The following NAV3 variants were observed in gnomAD, a reference collection of about 807,000 sequenced individuals.
NAV3 encodes the protein neuron navigator 3, also known as pore membrane and/or filament interacting like protein 1.
Under a neutral mutation model 244.7 loss-of-function variants are expected in NAV3, and 87 were observed. The observed-to-expected ratio is 0.36, with a 90% confidence interval of 0.30 to 0.42. The LOEUF (loss-of-function observed/expected upper bound fraction) is 0.42. Among genes scored for constraint, NAV3 ranks in the 20% least tolerant of loss-of-function variants. The pLI is 1.00. For missense variants in NAV3, 2,663 were observed against 2,893.3 expected (o/e 0.92, Z 1.83); for synonymous variants, 1,126 against 1,042.2 (o/e 1.08, Z -1.55).
chr12:77,940,775 G>C (rs966336626), intron 2 of NAV3, among the ~76,000 whole-genome samples: 7 of 152,264 alleles, frequency 4.6e-5, no homozygotes, highest in Non-Finnish European at 1.0e-4. Flanking sequence ...GAGATGCCTT[G>C]AAACTGTATC....
intron 2 of NAV3, among the ~76,000 whole-genome samples, chr12:77,588,967 A>G: frequency 6.6e-6 from 1 of 152,276 alleles, no homozygotes; most frequent in Non-Finnish European, 1.5e-5. Flanking sequence ...CAGCAGAGCT[A>G]TACCTGGGAA....
At chr12:78,173,683 CAGTT>C (rs1298233796) in intron 24 of NAV3, among the ~76,000 whole-genome samples, 2 of 150,688 alleles carry the variant, frequency 1.3e-5, no homozygotes, top group African/African-American at 4.9e-5. Flanking sequence ...CATGCAAAAC[CAGTT>C]AATGTTCTCA....
chr12:77,848,198 G>A (rs1374746718), intron 1 of NAV3, among the ~76,000 whole-genome samples: 3 of 152,210 alleles, frequency 2.0e-5, no homozygotes, highest in African/African-American at 7.2e-5. Context: ...TTTAGGATGA[G>A]TAAGACATAA....
intron 2 of NAV3, among the ~76,000 whole-genome samples, chr12:77,591,902 A>G (rs1219377611): frequency 6.6e-6 from 1 of 152,240 alleles, no homozygotes; most frequent in Non-Finnish European, 1.5e-5. Context: ...GTAAAATTAA[A>G]TGTTACAAAT....
At chr12:78,179,440 A>T in intron 28 of NAV3, 89 bp from the exon 29 acceptor site, 1 of 1,488,102 alleles carries the variant, frequency 6.7e-7, no homozygotes, top group Non-Finnish European at 9.2e-7. Flanking sequence ...CTGCTGGAGA[A>T]TATTGCAGTG....
At chr12:78,177,386 C>T in intron 27 of NAV3, 73 bp downstream of exon 27, 2 of 1,487,826 alleles carry the variant, frequency 1.3e-6, no homozygotes, top group South Asian at 1.3e-5. Flanking sequence ...TATTTATGTT[C>T]TAACCATATC....
rs569331555 is a variant in NAV3, at chr12:77,583,040, A to G, written c.72+10774A>G. ...AACATTCTTAAAAAGAGCTTCATTT[A>G]CAAACATTACACTTTCCTAACATTT... On this transcript the variant is annotated intron_variant, in intron 2 of 8. Transcript: ENST00000550042. 6.9e-4 allele frequency among the ~76,000 whole-genome samples: 105 copies of G among 152,244 alleles called. 1 individual carries two copies. The highest frequency in any genetic ancestry group is 6.8e-4 in the Non-Finnish European group (46 of 68,038).
chr12:77,996,564 T>C (rs1391846292), intron 6 of NAV3, among the ~76,000 whole-genome samples: 2 of 152,196 alleles, frequency 1.3e-5, no homozygotes, highest in Non-Finnish European at 2.9e-5. Flanking sequence ...GTATTTGTTT[T>C]TTTTCCTGAT....
At chr12:77,632,372 C>T (rs745440503) in intron 2 of NAV3, among the ~76,000 whole-genome samples, 1 of 152,158 alleles carries the variant, frequency 6.6e-6, no homozygotes, top group Non-Finnish European at 1.5e-5. Context: ...TTCCACGTGG[C>T]TGGGAAGGCC....
At chr12:78,026,144 A>T (rs138788776) in intron 9 of NAV3, among the ~76,000 whole-genome samples, 1 of 152,208 alleles carries the variant, frequency 6.6e-6, no homozygotes, top group African/African-American at 2.4e-5. Context: ...CTACCTATAA[A>T]TGTGATTTAA....
At chr12:77,917,775 A>G (rs1352694553) in intron 1 of NAV3, among the ~76,000 whole-genome samples, 2 of 152,064 alleles carry the variant, frequency 1.3e-5, no homozygotes, top group Admixed American at 1.3e-4. Context: ...TTATTTAAAC[A>G]TTAACTGTTT....
At chr12:77,711,677 C>G (rs1355704284) in intron 2 of NAV3, among the ~76,000 whole-genome samples, 1 of 152,154 alleles carries the variant, frequency 6.6e-6, no homozygotes, top group East Asian at 1.9e-4. Flanking sequence ...GTCTGTGGAA[C>G]AGGGGATCTC....
chr12:77,873,773 T>TATATATATATATAAAAAA (rs762527287), intron 1 of NAV3, among the ~76,000 whole-genome samples: 2 of 128,624 alleles, frequency 1.6e-5, no homozygotes, highest in African/African-American at 5.8e-5. Context: ...TATATGTATA[T>TATATATATATATAAAAAA]AACAGCATAT....
intron 5 of NAV3, among the ~76,000 whole-genome samples, chr12:77,977,417 T>A (rs1311993790): frequency 6.6e-6 from 1 of 152,178 alleles, no homozygotes. Context: ...TACCTTTATA[T>A]AATGGAATAA....
intron 2 of NAV3, among the ~76,000 whole-genome samples, chr12:77,622,226 C>T (rs536443910): frequency 2.5e-4 from 38 of 152,248 alleles, no homozygotes; most frequent in African/African-American, 8.7e-4. Context: ...GTGGCGCAAT[C>T]TCGGCTCACT....
At chr12:77,591,423 T>G (rs1555184346) in intron 2 of NAV3, among the ~76,000 whole-genome samples, 1 of 152,226 alleles carries the variant, frequency 6.6e-6, no homozygotes, top group Non-Finnish European at 1.5e-5. Flanking sequence ...GTTATTTAAT[T>G]GTTTTACACA....
At chr12:78,206,670 T>C (rs986760349) in intron 39 of NAV3, among the ~76,000 whole-genome samples, 4 of 152,062 alleles carry the variant, frequency 2.6e-5, no homozygotes, top group Non-Finnish European at 4.4e-5. Flanking sequence ...CCTTCTGGCA[T>C]GAGAATTGGG....
intron 2 of NAV3, among the ~76,000 whole-genome samples, chr12:77,788,283 A>C (rs540172943): frequency 6.6e-5 from 10 of 152,188 alleles, no homozygotes; most frequent in African/African-American, 2.4e-4. Flanking sequence ...TTTATAGTAA[A>C]ATTAGAGATC....
chr12:77,875,681 T>A (rs1450126237), intron 1 of NAV3, among the ~76,000 whole-genome samples: 1 of 152,112 alleles, frequency 6.6e-6, no homozygotes, highest in Non-Finnish European at 1.5e-5. Context: ...CTCATATGAT[T>A]TATATATTTA....
Sources: gnomAD v4.1 joint callset for allele counts (sites outside exome capture counted in the v4.1 genomes callset) on GRCh38, gnomAD v4.1.1 for gene constraint, MANE v1.5 for transcripts, NCBI Gene and HGNC (gene_info 2026-07-23, HGNC 2026-07-21) for gene names.